Variants in HOMER1 observed in about 807,000 individuals in gnomAD.
The protein encoded by HOMER1 is homer scaffold protein 1, also known as homer protein homolog 1.
In HOMER1, 3 loss-of-function variants were observed where a neutral mutation model predicts 48.9. The ratio of observed to expected loss-of-function variants is 0.06; its 90% CI spans 0.03 to 0.16. HOMER1 has a LOEUF of 0.16. HOMER1 is among the 10% of genes least tolerant of loss of function. The pLI is 1.00. For missense variants in HOMER1, 247 were observed against 411.4 expected (o/e 0.60, Z 3.46); for synonymous variants, 134 against 146.4 (o/e 0.92, Z 0.61).
chr5:79,497,159 G>A (rs1478335075), intron 1 of HOMER1, among the ~76,000 whole-genome samples: 2 of 150,780 alleles, frequency 1.3e-5, no homozygotes, highest in Non-Finnish European at 2.9e-5. Flanking sequence ...GAATAACATA[G>A]AAGTAAGTAA....
At chr5:79,404,014 T>C (rs994592291) in intron 5 of HOMER1, among the ~76,000 whole-genome samples, 2 of 152,216 alleles carry the variant, frequency 1.3e-5, no homozygotes, top group African/African-American at 4.8e-5. Context: ...GAAAAAAGCA[T>C]GCATGGATTC....
At chr5:79,471,782 C>T (rs778608077) in intron 1 of HOMER1, among the ~76,000 whole-genome samples, 1 of 152,172 alleles carries the variant, frequency 6.6e-6, no homozygotes, top group Non-Finnish European at 1.5e-5. Context: ...CCCTTGCCCT[C>T]TTTTGTTCCA....
intron 5 of HOMER1, among the ~76,000 whole-genome samples, chr5:79,402,875 CA>C (rs1161987106): frequency 6.6e-6 from 1 of 152,042 alleles, no homozygotes; most frequent in Admixed American, 6.6e-5. Flanking sequence ...CTTAAAATGT[CA>C]AAAATACAAA....
At chr5:79,401,789 TGACATCCTAGAACTA>T in intron 6 of HOMER1, 95 bp downstream of exon 6, 1 of 1,021,328 alleles carries the variant, frequency 9.8e-7, no homozygotes. Context: ...ATCTATGTTC[TGACATCCTAGAACTA>T]GAAGATATCC....
intron 1 of HOMER1, among the ~76,000 whole-genome samples, chr5:79,501,034 G>GCA (rs1752572167): frequency 6.6e-6 from 1 of 150,800 alleles, no homozygotes; most frequent in African/African-American, 2.4e-5. Flanking sequence ...GCAGTGGCAG[G>GCA]ATCTCAGCTT....
intron 1 of HOMER1, among the ~76,000 whole-genome samples, chr5:79,499,304 C>T (rs139442989): frequency 3.2e-4 from 48 of 152,186 alleles, no homozygotes; most frequent in African/African-American, 1.1e-3. Flanking sequence ...GTTAACAAAG[C>T]TGACTGATGG....
rs190183254 is a variant in HOMER1 at position 79,491,813 on chromosome 5, G to C, written c.5+20957C>G. Among the ~76,000 whole-genome samples, 99 of 152,224 alleles carry C rather than the reference G, an allele frequency of 6.5e-4. 1 individual carries two copies. The highest frequency in any genetic ancestry group is 2.9e-3 in the Admixed American group (44 of 15,292). ...TGAAATAAACACTTTTAACAAACTT[G>C]TTTATTAAGCAAACTTGTTTATTTT... On this transcript the variant is annotated intron_variant, in intron 1 of 8. Transcript: ENST00000334082.
intron 8 of HOMER1, among the ~76,000 whole-genome samples, chr5:79,379,052 G>A (rs1748853158): frequency 9.3e-6 from 1 of 106,978 alleles, no homozygotes; most frequent in Admixed American, 1.2e-4. Context: ...ATGGTGAGTG[G>A]CACTTCTTAG....
intron 8 of HOMER1, among the ~76,000 whole-genome samples, chr5:79,383,294 A>G (rs1172413159): frequency 1.3e-5 from 2 of 152,206 alleles, no homozygotes; most frequent in Non-Finnish European, 2.9e-5. Context: ...TCTCAGCATT[A>G]GACAGATCAT....
intron 5 of HOMER1, among the ~76,000 whole-genome samples, chr5:79,409,792 A>G (rs923151020): frequency 5.3e-5 from 8 of 152,220 alleles, no homozygotes; most frequent in Non-Finnish European, 1.0e-4. Context: ...ATTATCATCA[A>G]GGAAATGCAA....
At chr5:79,458,479 G>A (rs1453612607) in intron 1 of HOMER1, among the ~76,000 whole-genome samples, 2 of 151,920 alleles carry the variant, frequency 1.3e-5, no homozygotes, top group African/African-American at 4.8e-5. Flanking sequence ...AATATGGAGA[G>A]GAGAAAAATT....
intron 1 of HOMER1, among the ~76,000 whole-genome samples, chr5:79,462,425 T>C (rs1371204626): frequency 6.6e-6 from 1 of 152,228 alleles, no homozygotes; most frequent in Non-Finnish European, 1.5e-5. Flanking sequence ...GCTACAATTC[T>C]TTAAAAGTAC....
chr5:79,502,065 G>A (rs1311877058), intron 1 of HOMER1, among the ~76,000 whole-genome samples: 13 of 137,730 alleles, frequency 9.4e-5, no homozygotes, highest in African/African-American at 3.6e-4. Context: ...CTGTCACCAG[G>A]CTGGAGTTCA....
At chr5:79,438,319 A>G (rs1248703428) in intron 5 of HOMER1, among the ~76,000 whole-genome samples, 1 of 152,270 alleles carries the variant, frequency 6.6e-6, no homozygotes, top group Non-Finnish European at 1.5e-5. Context: ...CAAGATTGCA[A>G]TTGCACAGAC....
At chr5:79,456,406 CCTTATA>C (rs1212060127) in intron 2 of HOMER1, among the ~76,000 whole-genome samples, 3 of 152,146 alleles carry the variant, frequency 2.0e-5, no homozygotes, top group African/African-American at 7.2e-5. Context: ...TAGGTTTTGT[CCTTATA>C]CTTCTCTTGA....
At chr5:79,449,639 A>AT in intron 3 of HOMER1, among the ~76,000 whole-genome samples, 1 of 152,034 alleles carries the variant, frequency 6.6e-6, no homozygotes, top group African/African-American at 2.4e-5. Context: ...CACCCAGCTA[A>AT]TTTTTTTGTA....
intron 8 of HOMER1, among the ~76,000 whole-genome samples, chr5:79,390,357 C>A (rs1749219098): frequency 6.6e-6 from 1 of 151,954 alleles, no homozygotes; most frequent in African/African-American, 2.4e-5. Flanking sequence ...TAAATACGAA[C>A]ACAGGTAACT....
rs757911166 is a variant in HOMER1 at position 79,376,066 on chromosome 5, C to T, written c.1008G>A (p.Lys336=). ...LKTLLEILDG[K]IFELTELRDN... is the part of the protein sequence containing the mutation. The stretch of plus-strand genomic sequence containing the variant: ...CTCGTAATTCTGTTAGTTCAAATAT[C>T]TTTCCATCCAGAATTTCTAAGAGTG... The change falls in exon 9 of 9, where the codon AAG becomes AAA. Residue 336 remains lysine, a synonymous_variant. Coordinates refer to ENST00000334082, the MANE Select transcript of HOMER1 (RefSeq NM_004272.5). 3 of 1,613,416 alleles carry T rather than the reference C, an allele frequency of 1.9e-6. No homozygotes were observed. The highest frequency in any genetic ancestry group is 2.5e-6 in the Non-Finnish European group (3 of 1,179,640).
rs769965772 is a variant in HOMER1, at chr5:79,456,850, A to C, written c.162+12T>G. The C allele has an allele frequency of 4.5e-5, 73 of 1,608,146 alleles. No individual in the cohort carries two copies. In the South Asian group the frequency reaches 7.8e-4, roughly 17 times the overall value. On this transcript the variant is annotated intron_variant, in intron 2 of 8. Transcript: ENST00000334082. ...AAAACCAGCCAAATCATTCAAAGTAAACGTAGCTTACCTTTGAGCCATCTA... is the reference window on the plus strand; with the variant it reads ...AAAACCAGCCAAATCATTCAAAGTACACGTAGCTTACCTTTGAGCCATCTA...
Sources: allele counts gnomAD v4.1 joint callset (sites outside exome capture counted in the v4.1 genomes callset), GRCh38; gene constraint gnomAD v4.1.1; transcripts MANE v1.5; gene names NCBI Gene and HGNC (gene_info 2026-07-23, HGNC 2026-07-21).